MED15: variants seen among roughly 807,000 people sequenced by gnomAD.
MED15 encodes the protein mediator of RNA polymerase II transcription subunit 15.
MED15 carries 41 observed loss-of-function variants against 118.7 expected under a neutral mutation model. The observed-to-expected ratio is 0.35, with a 90% confidence interval of 0.27 to 0.45. The LOEUF is 0.45. Among genes scored for constraint, MED15 ranks in the 20% least tolerant of loss-of-function variants. The probability of loss-of-function intolerance (pLI) is 1.00; values close to 1 mark genes in which losing one functional copy is unlikely to be tolerated. For missense variants in MED15, 740 were observed against 1,025.5 expected (o/e 0.72, Z 3.80); for synonymous variants, 436 against 413.9 (o/e 1.05, Z -0.65).
chr22:20,569,957 C>T (rs2056585921), intron 8 of MED15, among the ~76,000 whole-genome samples: 1 of 152,204 alleles, frequency 6.6e-6, no homozygotes, highest in Non-Finnish European at 1.5e-5. Flanking sequence ...AGTGACTGCC[C>T]ACCCAGTGGA....
intron 1 of MED15, among the ~76,000 whole-genome samples, chr22:20,524,527 T>A (rs1481730555): frequency 1.3e-5 from 2 of 152,224 alleles, no homozygotes; most frequent in East Asian, 3.8e-4. Context: ...GCCTGTGCCG[T>A]TGGCCTCACT....
chr22:20,538,694 T>G (rs937383893), intron 2 of MED15, among the ~76,000 whole-genome samples: 8 of 150,234 alleles, frequency 5.3e-5, no homozygotes, highest in African/African-American at 1.2e-4. Context: ...AACATATGGG[T>G]TTTTTTTGTT....
At chr22:20,553,672 A>G (rs2146526204) in intron 4 of MED15, among the ~76,000 whole-genome samples, 1 of 152,294 alleles carries the variant, frequency 6.6e-6, no homozygotes, top group South Asian at 2.1e-4. Context: ...CAGGAGTTCA[A>G]GACCAGCCTG....
intron 2 of MED15, among the ~76,000 whole-genome samples, chr22:20,537,525 C>T (rs1047945665): frequency 4.6e-5 from 7 of 152,166 alleles, no homozygotes; most frequent in Non-Finnish European, 1.0e-4. Flanking sequence ...GGATCAATGC[C>T]GTGAGCAAGA....
intron 2 of MED15, among the ~76,000 whole-genome samples, chr22:20,545,016 C>T (rs1227605826): frequency 6.6e-6 from 1 of 152,176 alleles, no homozygotes; most frequent in Non-Finnish European, 1.5e-5. Flanking sequence ...AGATGTTTAA[C>T]TTCATCATAT....
chr22:20,511,204 A>G (rs1293633116), intron 1 of MED15, among the ~76,000 whole-genome samples: 1 of 152,162 alleles, frequency 6.6e-6, no homozygotes, highest in Non-Finnish European at 1.5e-5. Context: ...TTTATAGTTG[A>G]TGAAGGGATA....
At chr22:20,555,734 T>G (rs1321340381) in intron 5 of MED15, among the ~76,000 whole-genome samples, 1 of 152,224 alleles carries the variant, frequency 6.6e-6, no homozygotes, top group Non-Finnish European at 1.5e-5. Flanking sequence ...CCAGGACCTG[T>G]CTTTTGAGAC....
chr22:20,535,704 C>A (rs1365151627), intron 1 of MED15, among the ~76,000 whole-genome samples: 2 of 151,082 alleles, frequency 1.3e-5, no homozygotes, highest in Non-Finnish European at 2.9e-5. Context: ...GGACTACAGG[C>A]GCCTGCCACC....
rs73881003 is a variant in MED15, at chr22:20,557,270, G to A, written c.451+2122G>A. 5.3e-3 allele frequency among the ~76,000 whole-genome samples: 812 copies of A among 152,186 alleles called. 6 individuals carry two copies. The highest frequency in any genetic ancestry group is 0.018 in the African/African-American group (759 of 41,516). On this transcript the variant is annotated intron_variant, in intron 5 of 17. Coordinates refer to ENST00000263205, the MANE Select transcript of MED15 (RefSeq NM_001003891.3). ...ACACTCCTACCCTATCCTGTGTCAG[G>A]TTTCCTCTTCTTTGGGGCCATAGGC...
chr22:20,581,797 G>A (rs560801870), intron 9 of MED15: 1 of 152,436 alleles, frequency 6.6e-6, no homozygotes, highest in East Asian at 1.9e-4. Context: ...GAAGACAGTG[G>A]TGTCCCTGGT....
At chr22:20,554,086 C>T (rs1256467376) in intron 4 of MED15, among the ~76,000 whole-genome samples, 1 of 152,240 alleles carries the variant, frequency 6.6e-6, no homozygotes, top group African/African-American at 2.4e-5. Context: ...TAGAGCTGTA[C>T]ATGCCAGCTG....
chr22:20,586,355 T>C (rs2057135155), intron 17 of MED15, among the ~76,000 whole-genome samples: 1 of 152,142 alleles, frequency 6.6e-6, no homozygotes, highest in Non-Finnish European at 1.5e-5. Flanking sequence ...CCAAGGTTGT[T>C]AGAGGCAGAG....
chr22:20,556,395 G>A (rs571957492), intron 5 of MED15, among the ~76,000 whole-genome samples: 5 of 151,234 alleles, frequency 3.3e-5, no homozygotes, highest in Admixed American at 1.3e-4. Flanking sequence ...TCTGCCTTCC[G>A]AGTTCAAGCA....
At chr22:20,540,929 A>G (rs961143949) in intron 2 of MED15, among the ~76,000 whole-genome samples, 1 of 152,088 alleles carries the variant, frequency 6.6e-6, no homozygotes, top group South Asian at 2.1e-4. Flanking sequence ...AAAAGCAACT[A>G]AAAAATAGGC....
chr22:20,525,467 G>A (rs977726002), intron 1 of MED15, among the ~76,000 whole-genome samples: 3 of 151,312 alleles, frequency 2.0e-5, no homozygotes, highest in African/African-American at 7.3e-5. Flanking sequence ...CACCCACCTC[G>A]GTCTCCCAAA....
rs769460630 is a variant in MED15, at chr22:20,583,252, G to A, written c.1672+5G>A. On this transcript the variant is annotated splice_donor_5th_base_variant and intron_variant, in intron 12 of 17. Coordinates refer to ENST00000263205, the MANE Select transcript of MED15 (RefSeq NM_001003891.3). ...ACAAGATCGACAAGAACGAAGGTAG[G>A]CTGCAGCCAGGGCAGGGGCCTGCAC... is the stretch of plus-strand genomic sequence containing the variant. The A allele has an allele frequency of 1.9e-6, 3 of 1,611,632 alleles. No individual in the cohort carries two copies. Among genetic ancestry groups the A allele is most frequent in the Middle Eastern group, 1.7e-4 (1 of 6,048 alleles).
In MED15 at chr22:20,518,414, C is replaced by T. The variant is rs6000923; in HGVS notation, c.68+10668C>T. 9.7e-3 allele frequency among the ~76,000 whole-genome samples: 1,483 copies of T among 152,236 alleles called. 39 individuals are homozygous for T. The highest frequency in any genetic ancestry group is 0.033 in the African/African-American group (1,372 of 41,532). The stretch of plus-strand genomic sequence containing the variant: ...ACGAGAGCTTTGTGCCACACCATGC[C>T]CTTTCTGGATGCTGTAGTGTCTGGC... On this transcript the variant is annotated intron_variant, in intron 1 of 17. Coordinates refer to ENST00000263205, the MANE Select transcript of MED15 (RefSeq NM_001003891.3).
At chr22:20,558,420 GGCTGAAACT>G (rs1483464383) in intron 5 of MED15, among the ~76,000 whole-genome samples, 2 of 152,192 alleles carry the variant, frequency 1.3e-5, no homozygotes, top group African/African-American at 2.4e-5. Context: ...AGTCGGAAAA[GGCTGAAACT>G]GCTGGTTGTT....
chr22:20,585,533 C>T (rs2057108840), intron 16 of MED15, 195 bp from the exon 17 acceptor site: 1 of 676,892 alleles, frequency 1.5e-6, no homozygotes, highest in African/African-American at 1.8e-5. Context: ...GTAGGCAGGA[C>T]CTCTGGGCAC....
Sources: gnomAD v4.1 joint callset for allele counts (sites outside exome capture counted in the v4.1 genomes callset) on GRCh38, gnomAD v4.1.1 for gene constraint, MANE v1.5 for transcripts, NCBI Gene and HGNC (gene_info 2026-07-23, HGNC 2026-07-21) for gene names.